The following VTI1A variants were observed in gnomAD, a reference collection of about 807,000 sequenced individuals.
The protein encoded by VTI1A is vesicle transport through interaction with t-SNAREs homolog 1A.
A neutral mutation model predicts 34.9 loss-of-function variants in VTI1A; 22 were observed. The observed-to-expected ratio is 0.63, with a 90% CI of 0.45 to 0.90. The LOEUF is 0.90. Among genes scored for constraint, VTI1A ranks in the 40% least tolerant of loss-of-function variants. The probability of loss-of-function intolerance (pLI) is 0.00; values close to 1 mark genes in which losing one functional copy is unlikely to be tolerated. For synonymous variants in VTI1A, 87 were observed against 97.3 expected (o/e 0.89, Z 0.62); for missense variants, 268 against 275.6 (o/e 0.97, Z 0.20).
At chr10:112,690,829 A>G (rs780366202) in intron 7 of VTI1A, among the ~76,000 whole-genome samples, 22 of 152,110 alleles carry the variant, frequency 1.4e-4, no homozygotes, top group Non-Finnish European at 1.6e-4. Flanking sequence ...TAGCCCCATG[A>G]TTGTCTATTA....
chr10:112,637,686 T>C (rs1846411267), intron 5 of VTI1A, among the ~76,000 whole-genome samples: 1 of 152,070 alleles, frequency 6.6e-6, no homozygotes, highest in Non-Finnish European at 1.5e-5. Flanking sequence ...TATAAAAGAC[T>C]CTCTTTTTCT....
chr10:112,824,424 A>C, the VTI1A span: 21 of 152,282 alleles, frequency 1.4e-4, no homozygotes, highest in Admixed American at 1.4e-3. Flanking sequence ...AAAATACAAA[A>C]ATTAGCTGGG....
At chr10:112,800,330 G>A (rs1320802873) in intron 7 of VTI1A, among the ~76,000 whole-genome samples, 1 of 152,230 alleles carries the variant, frequency 6.6e-6, no homozygotes, top group Admixed American at 6.5e-5. Context: ...ACCAAGGCCA[G>A]ATGTGCCCTG....
intron 5 of VTI1A, among the ~76,000 whole-genome samples, chr10:112,633,071 C>T (rs901635383): frequency 7.2e-5 from 11 of 152,108 alleles, no homozygotes; most frequent in African/African-American, 2.7e-4. Context: ...CCAGTAATCC[C>T]AGCACTTTGG....
chr10:112,691,303 A>G (rs141309141), intron 7 of VTI1A, among the ~76,000 whole-genome samples: 1 of 147,732 alleles, frequency 6.8e-6, no homozygotes, highest in African/African-American at 2.5e-5. Flanking sequence ...ATAAATAAAT[A>G]AATGAAAGTT....
intron 3 of VTI1A, among the ~76,000 whole-genome samples, chr10:112,519,623 C>G (rs997489476): frequency 3.3e-5 from 5 of 152,052 alleles, no homozygotes; most frequent in Non-Finnish European, 7.4e-5. Context: ...GGTAGGGGGA[C>G]TCCAGCCTGT....
At chr10:112,505,859 T>A (rs1849411857) in intron 3 of VTI1A, among the ~76,000 whole-genome samples, 1 of 152,062 alleles carries the variant, frequency 6.6e-6, no homozygotes, top group Non-Finnish European at 1.5e-5. Context: ...ACATAGTTTT[T>A]AATATTCTGT....
chr10:112,603,755 C>A (rs1374462468), intron 5 of VTI1A, among the ~76,000 whole-genome samples: 1 of 152,174 alleles, frequency 6.6e-6, no homozygotes, highest in Non-Finnish European at 1.5e-5. Context: ...CATCATCCAC[C>A]TTAGCAACCC....
chr10:112,676,749 G>A (rs1848045521), intron 7 of VTI1A, among the ~76,000 whole-genome samples: 1 of 152,134 alleles, frequency 6.6e-6, no homozygotes. Context: ...AAATCTTCCA[G>A]TTGCATGTGG....
chr10:112,493,045 T>G (rs1040123704), intron 3 of VTI1A, among the ~76,000 whole-genome samples: 1 of 152,186 alleles, frequency 6.6e-6, no homozygotes, highest in African/African-American at 2.4e-5. Context: ...TTATATTAAT[T>G]TGTTGAATAG....
intron 7 of VTI1A, among the ~76,000 whole-genome samples, chr10:112,772,214 A>G (rs936552138): frequency 3.9e-5 from 6 of 152,176 alleles, no homozygotes; most frequent in Non-Finnish European, 7.4e-5. Flanking sequence ...ACCAACACTC[A>G]TGGTTATGAG....
At chr10:112,604,934 T>C (rs11196014) in intron 5 of VTI1A, among the ~76,000 whole-genome samples, 14,434 of 152,226 alleles carry the variant, frequency 0.095, 752 homozygotes, top group Non-Finnish European at 0.11. Flanking sequence ...TATATAATTC[T>C]GTACATCTAT....
chr10:112,454,871 G>C (rs146133295), intron 1 of VTI1A, among the ~76,000 whole-genome samples: 281 of 152,134 alleles, frequency 1.8e-3, no homozygotes, highest in African/African-American at 6.5e-3. Flanking sequence ...AAATAATTTA[G>C]TATCTCTGAT....
chr10:112,727,226 CA>C (rs1397940207), intron 7 of VTI1A, among the ~76,000 whole-genome samples: 4 of 152,136 alleles, frequency 2.6e-5, no homozygotes, highest in Non-Finnish European at 5.9e-5. Flanking sequence ...TAAGAAGCAA[CA>C]ACATGAAACC....
intron 7 of VTI1A, chr10:112,737,380 A>C: frequency 9.7e-7 from 1 of 1,030,350 alleles, no homozygotes; most frequent in Non-Finnish European, 1.2e-6. Flanking sequence ...TGAGCTGTGG[A>C]TTATTCATTT....
intron 3 of VTI1A, among the ~76,000 whole-genome samples, chr10:112,473,197 C>T (rs1020067487): frequency 2.0e-5 from 3 of 151,466 alleles, no homozygotes; most frequent in African/African-American, 7.3e-5. Context: ...CAACCTCCAC[C>T]TCCTGGTTTT....
intron 5 of VTI1A, among the ~76,000 whole-genome samples, chr10:112,654,437 A>T (rs1847150166): frequency 1.3e-5 from 2 of 152,140 alleles, no homozygotes; most frequent in Admixed American, 6.5e-5. Context: ...AGATCGTATC[A>T]CCTTAAAACT....
chr10:112,451,478 G>A (rs1284860504), intron 1 of VTI1A, among the ~76,000 whole-genome samples: 1 of 152,174 alleles, frequency 6.6e-6, no homozygotes, highest in East Asian at 1.9e-4. Context: ...TCCTAGACTA[G>A]AATTAGGTAA....
chr10:112,695,656 A>C (rs1848758211), intron 7 of VTI1A, among the ~76,000 whole-genome samples: 1 of 152,226 alleles, frequency 6.6e-6, no homozygotes, highest in Non-Finnish European at 1.5e-5. Context: ...GGAAAGGTAC[A>C]AAGCTCAAGG....
Sources: allele counts gnomAD v4.1 joint callset (sites outside exome capture counted in the v4.1 genomes callset), GRCh38; gene constraint gnomAD v4.1.1; transcripts MANE v1.5; gene names NCBI Gene and HGNC (gene_info 2026-07-23, HGNC 2026-07-21).